The following RUNDC1 variants were observed in gnomAD, a reference collection of about 807,000 sequenced individuals.
RUNDC1 encodes RUN domain-containing protein 1.
RUNDC1 carries 31 observed loss-of-function variants against 49.3 expected under a neutral mutation model. The observed-to-expected ratio is 0.63, with a 90% CI of 0.47 to 0.85. The LOEUF (loss-of-function observed/expected upper bound fraction) is 0.85. Ranked by LOEUF, RUNDC1 falls within the 40% of genes least tolerant of loss-of-function variation. The pLI, the probability that RUNDC1 is intolerant of heterozygous loss-of-function variation, is 0.00. For missense variants in RUNDC1, 715 were observed against 806.7 expected (o/e 0.89, Z 1.38); for synonymous variants, 347 against 348.6 (o/e 1.00, Z 0.05).
intron 1 of RUNDC1, among the ~76,000 whole-genome samples, chr17:42,984,787 CTT>C (rs1271853507): frequency 5.9e-5 from 9 of 151,524 alleles, no homozygotes; most frequent in Non-Finnish European, 1.0e-4. Flanking sequence ...AAACAAAAGA[CTT>C]TTCCACAGTT....
In RUNDC1 at chr17:42,980,938, G is replaced by A. The variant is rs770648532; in HGVS notation, c.362G>A (p.Arg121His). The A allele has an allele frequency of 1.3e-6, 2 of 1,538,222 alleles. No homozygotes were observed. The highest frequency in any genetic ancestry group is 2.4e-5 in the East Asian group (1 of 40,866). Residue 121 changes from arginine to histidine, a missense_variant, in exon 1 of 5, where the codon CGC becomes CAC. By Grantham distance (29) the Arg-to-His change is conservative. Transcript: ENST00000361677. ...CGCGGGGCGCCGGCGGAGCAGCAGCGCCTTCTGCGGGAGCTCGAAGACTTC... is the reference window on the plus strand; with the variant it reads ...CGCGGGGCGCCGGCGGAGCAGCAGCACCTTCTGCGGGAGCTCGAAGACTTC... ...VVRGAPAEQQ[R>H]LLRELEDFAF...
chr17:42,991,683 G>A lies in RUNDC1; in HGVS notation c.1809G>A (p.Val603=). 1 of 1,613,388 alleles carries A rather than the reference G, an allele frequency of 6.2e-7. No individual in the cohort carries two copies. Among genetic ancestry groups the A allele is most frequent in the Non-Finnish European group, 8.5e-7 (1 of 1,179,774 alleles). ...LKFSLPVDLA[V]RQLKNIKDAF is the part of the protein sequence containing the mutation. The stretch of plus-strand genomic sequence containing the variant: ...TTAGCCTCCCTGTAGATCTGGCTGT[G>A]CGCCAGCTCAAAAACATCAAAGATG... Residue 603 remains valine (V), a synonymous_variant, in exon 5 of 5, where the codon GTG becomes GTA. Transcript: ENST00000361677.
At chr17:42,987,442 C>T (rs1251407681) in intron 2 of RUNDC1, 28 bp downstream of exon 2, 2 of 1,610,922 alleles carry the variant, frequency 1.2e-6, no homozygotes, top group Non-Finnish European at 8.5e-7. Flanking sequence ...GAACCTCCAC[C>T]ACTGCCCGAG....
Position 42,991,438 on chromosome 17 carries a change from A to G in RUNDC1, c.1564A>G (p.Met522Val), listed in dbSNP as rs770273376. The G allele has an allele frequency of 5.0e-6, 8 of 1,614,064 alleles. No individual in the cohort carries two copies. The highest frequency in any genetic ancestry group is 1.6e-4 in the Middle Eastern group (1 of 6,084). Residue 522 changes from methionine (M) to valine (V), a missense_variant, in exon 5 of 5, where the codon ATG becomes GTG. Met to Val is a conservative substitution (Grantham distance 21). Transcript: ENST00000361677. Reference protein sequence around the residue: ...PKQSLLTAIHMVLTEHDPFKR... With the variant: ...PKQSLLTAIHVVLTEHDPFKR... ...ACAGAGCCTACTGACAGCCATCCAC[A>G]TGGTGCTGACAGAGCATGACCCTTT... is the stretch of plus-strand genomic sequence containing the variant.
At position 42,991,393 on chromosome 17, in the gene RUNDC1, G is replaced by A. The variant is rs145831322; in HGVS notation, c.1519G>A (p.Gly507Ser). Residue 507 changes from glycine to serine, a missense_variant, in exon 5 of 5, where the codon GGC becomes AGC. Physicochemically the swap from Gly to Ser is moderately conservative, Grantham distance 56. Around this residue, in one of 5 missense-constraint regions of RUNDC1, gnomAD observed 425 missense variants for 499.7 expected, o/e 0.85. Transcript: ENST00000361677. ...SQSFALPVTG[G>S]TVVTPKQSLL... ...GTCCTTCGCCCTTCCTGTTACGGGA[G>A]GCACTGTTGTCACCCCCAAACAGAG... The A allele has an allele frequency of 2.5e-6, 4 of 1,614,232 alleles. No homozygotes were observed. The East Asian group carries it at 8.9e-5, about 36-fold the overall frequency.
chr17:42,989,628 G>T (rs935395881), intron 3 of RUNDC1, 89 bp downstream of exon 3: 39 of 1,294,672 alleles, frequency 3.0e-5, no homozygotes, highest in East Asian at 9.8e-5. Flanking sequence ...TCTAATTCTG[G>T]TTTTTTGTTC....
chr17:42,983,408 C>T (rs1296476165), intron 1 of RUNDC1, among the ~76,000 whole-genome samples: 1 of 130,304 alleles, frequency 7.7e-6, no homozygotes, highest in East Asian at 2.4e-4. Flanking sequence ...GACAGAGTCT[C>T]ACTCTGTTGC....
At chr17:42,984,094 C>A (rs1466296940) in intron 1 of RUNDC1, among the ~76,000 whole-genome samples, 1 of 151,990 alleles carries the variant, frequency 6.6e-6, no homozygotes, top group Non-Finnish European at 1.5e-5. Context: ...CTCAGCCTCC[C>A]AAGTAGCTGG....
rs190136524 is a variant in RUNDC1 at position 42,994,692 on chromosome 17, A to G, written c.*2976A>G. Among the ~76,000 whole-genome samples the G allele has an allele frequency of 6.6e-6, 1 of 152,320 alleles. No homozygotes were observed. The highest frequency in any genetic ancestry group is 1.5e-5 in the Non-Finnish European group (1 of 68,020). ...TTTCATGTCTAAGTTCTTGAAACCTAAATGTGTGTATCAACTGAGACAACC... is the reference window on the plus strand; with the variant it reads ...TTTCATGTCTAAGTTCTTGAAACCTGAATGTGTGTATCAACTGAGACAACC... On this transcript the variant is annotated 3_prime_UTR_variant, in exon 5 of 5. Coordinates refer to ENST00000361677, the MANE Select transcript of RUNDC1 (RefSeq NM_173079.5).
In RUNDC1 at chr17:42,990,315, A is replaced by G; in HGVS notation, c.857-2A>G. ...TGTCTCTTCTATAATTTCTGATTCC[A>G]GATGAAGTGGGAAGCCCCTTGCAGA... is the stretch of plus-strand genomic sequence containing the variant. On this transcript the variant is annotated splice_acceptor_variant, in intron 3 of 4. Coordinates refer to ENST00000361677, the MANE Select transcript of RUNDC1 (RefSeq NM_173079.5). LOFTEE classifies it high-confidence loss of function. 1 of 1,613,490 alleles carries G rather than the reference A, an allele frequency of 6.2e-7. No homozygotes were observed. Among genetic ancestry groups the G allele is most frequent in the Admixed American group, 1.7e-5 (1 of 59,822 alleles).
At chr17:42,985,401 G>A (rs2050157846) in intron 1 of RUNDC1, among the ~76,000 whole-genome samples, 1 of 152,072 alleles carries the variant, frequency 6.6e-6, no homozygotes, top group Admixed American at 6.6e-5. Flanking sequence ...AGTTATGCCT[G>A]GGGAAATCAG....
chr17:42,983,475 A>G (rs545180647), intron 1 of RUNDC1, among the ~76,000 whole-genome samples: 2 of 145,602 alleles, frequency 1.4e-5, no homozygotes, highest in Admixed American at 7.2e-5. Context: ...TCCCAGGCTC[A>G]GTAGATCCTC....
At chr17:42,987,597 A>G (rs1015723668) in intron 2 of RUNDC1, among the ~76,000 whole-genome samples, 183 bp downstream of exon 2, 1 of 152,216 alleles carries the variant, frequency 6.6e-6, no homozygotes, top group Non-Finnish European at 1.5e-5. Context: ...CATGGAAAAC[A>G]CAGATTCCAA....
At chr17:42,981,274 G>C in intron 1 of RUNDC1, 200 bp downstream of exon 1, 1 of 643,266 alleles carries the variant, frequency 1.6e-6, no homozygotes, top group East Asian at 3.2e-5. Context: ...GAGGGTGAGC[G>C]GTGTGCACGG....
chr17:42,990,780 CTGTGATT>C, intron 4 of RUNDC1, 64 bp from the exon 5 acceptor site: 1 of 1,504,460 alleles, frequency 6.6e-7, no homozygotes, highest in Admixed American at 2.1e-5. Context: ...TGATCTCAGC[CTGTGATT>C]TGTTGAGTGT....
chr17:42,987,381 G>A lies in RUNDC1; in HGVS notation c.624G>A (p.Ser208=), dbSNP rs138665314. 594 of 1,614,096 alleles carry A rather than the reference G, an allele frequency of 3.7e-4. 2 individuals are homozygous for A. In the African/African-American group the frequency reaches 7.2e-3, roughly 20 times the overall value. ...TFAYQEGSYD[S]LPQSVVLERQ... is the part of the protein sequence containing the mutation. ...CCTATCAAGAGGGCAGTTATGACTC[G>A]CTGCCACAGTCCGTGGTGTTGGAAA... The change falls in exon 2 of 5, where the codon TCG becomes TCA. Residue 208 remains serine (S), a synonymous_variant. Transcript: ENST00000361677.
Position 42,992,029 on chromosome 17 carries a change from A to G in RUNDC1, c.*313A>G, listed in dbSNP as rs1444689805. 1 of 282,192 alleles carries G rather than the reference A, an allele frequency of 3.5e-6. No individual in the cohort carries two copies. The highest frequency in any genetic ancestry group is 2.2e-5 in the African/African-American group (1 of 45,258). The allele number at this position is 282,192 out of a possible 1,614,324, so 17.5% of individuals were successfully genotyped here. ...GGAGTTCGAGACCATCCTGTCTAAC[A>G]CGGTGAAACCCCATCTCTACTAAAA... On this transcript the variant is annotated 3_prime_UTR_variant, in exon 5 of 5. Coordinates refer to ENST00000361677, the MANE Select transcript of RUNDC1 (RefSeq NM_173079.5).
Position 42,991,307 on chromosome 17 carries a change from A to G in RUNDC1, c.1433A>G (p.Lys478Arg). 6.2e-7 allele frequency: 1 copy of G among 1,614,180 alleles called. No individual in the cohort carries two copies. The highest frequency in any genetic ancestry group is 8.5e-7 in the Non-Finnish European group (1 of 1,180,034). The change falls in exon 5 of 5, where the codon AAG becomes AGG. Residue 478 changes from lysine (K) to arginine (R), a missense_variant. Coordinates refer to ENST00000361677, the MANE Select transcript of RUNDC1 (RefSeq NM_173079.5). ...EAMHPWELFV[K>R]YYHAKNGRAY... The stretch of plus-strand genomic sequence containing the variant: ...ATGCACCCGTGGGAGCTCTTTGTAA[A>G]GTACTACCATGCTAAGAACGGCCGT...
Position 42,987,299 on chromosome 17 carries a change from A to G in RUNDC1, c.542A>G (p.Lys181Arg). Residue 181 changes from lysine (K) to arginine (R), a missense_variant, in exon 2 of 5, where the codon AAG becomes AGG. Around this residue, in one of 5 missense-constraint regions of RUNDC1, gnomAD observed 15 missense variants for 47.9 expected, o/e 0.31. Coordinates refer to ENST00000361677, the MANE Select transcript of RUNDC1 (RefSeq NM_173079.5). Reference sequence around the variant, plus strand: ...GAGCGTCTGGAAACCCAAAGGGAGAAGCAGAAAGAACTGATACTGCAGCTC... The same window carrying G: ...GAGCGTCTGGAAACCCAAAGGGAGAGGCAGAAAGAACTGATACTGCAGCTC... ...KQERLETQRE[K>R]QKELILQLKT... The G allele has an allele frequency of 6.2e-7, 1 of 1,614,122 alleles. No individual in the cohort carries two copies. Among genetic ancestry groups the G allele is most frequent in the Non-Finnish European group, 8.5e-7 (1 of 1,179,994 alleles).
Sources: allele counts gnomAD v4.1 joint callset (sites outside exome capture counted in the v4.1 genomes callset), GRCh38; gene constraint gnomAD v4.1.1; regional missense constraint gnomAD v4.1.1; transcripts MANE v1.5; gene names NCBI Gene and HGNC (gene_info 2026-07-23, HGNC 2026-07-21).